GABRB1: variants seen among roughly 807,000 people sequenced by gnomAD.
The protein encoded by GABRB1 is gamma-aminobutyric acid type A receptor subunit beta1, also known as gamma-aminobutyric acid receptor subunit beta-1.
A neutral mutation model predicts 51.6 loss-of-function variants in GABRB1; 17 were observed. The observed-to-expected ratio is 0.33, with a 90% CI of 0.23 to 0.49. The LOEUF (loss-of-function observed/expected upper bound fraction) is 0.49. Among genes scored for constraint, GABRB1 ranks in the 20% least tolerant of loss-of-function variants. The pLI, the probability that GABRB1 is intolerant of heterozygous loss-of-function variation, is 0.99. For synonymous variants in GABRB1, 247 were observed against 218.9 expected (o/e 1.13, Z -1.14); for missense variants, 410 against 600.6 (o/e 0.68, Z 3.32).
intron 4 of GABRB1, among the ~76,000 whole-genome samples, chr4:47,313,797 T>A (rs1438950823): frequency 6.6e-6 from 1 of 152,042 alleles, no homozygotes; most frequent in Non-Finnish European, 1.5e-5. Flanking sequence ...CCTGTCTGAG[T>A]CTCAATAATT....
chr4:47,280,802 C>T (rs1723264083), intron 4 of GABRB1, among the ~76,000 whole-genome samples: 1 of 150,388 alleles, frequency 6.6e-6, no homozygotes, highest in Admixed American at 6.6e-5. Flanking sequence ...TGTGTGCCAC[C>T]ATGTCTGGCT....
At chr4:47,392,906 A>G (rs1303005577) in intron 5 of GABRB1, among the ~76,000 whole-genome samples, 2 of 152,272 alleles carry the variant, frequency 1.3e-5, no homozygotes, top group Admixed American at 1.3e-4. Context: ...TGCAGACAGC[A>G]GAAGTCCATC....
At chr4:47,208,795 G>C (rs1720240072) in intron 4 of GABRB1, among the ~76,000 whole-genome samples, 1 of 151,972 alleles carries the variant, frequency 6.6e-6, no homozygotes, top group Admixed American at 6.6e-5. Flanking sequence ...ATATTCTTAT[G>C]GTATTTTCAT....
intron 4 of GABRB1, among the ~76,000 whole-genome samples, chr4:47,236,211 A>G (rs574618486): frequency 4.1e-4 from 63 of 152,258 alleles, no homozygotes; most frequent in African/African-American, 1.5e-3. Flanking sequence ...GAAATCCGAA[A>G]GCTTTGTTAA....
chr4:47,061,938 G>A (rs930096799), intron 3 of GABRB1, among the ~76,000 whole-genome samples: 21 of 151,976 alleles, frequency 1.4e-4, no homozygotes, highest in African/African-American at 3.9e-4. Flanking sequence ...TCATTCCCAC[G>A]TTGAATTCTG....
intron 4 of GABRB1, among the ~76,000 whole-genome samples, chr4:47,301,685 AG>A (rs1413673518): frequency 6.6e-6 from 1 of 152,048 alleles, no homozygotes; most frequent in Non-Finnish European, 1.5e-5. Flanking sequence ...AGATTTATTA[AG>A]ATGCTACAGC....
chr4:47,283,023 C>T (rs900695170), intron 4 of GABRB1, among the ~76,000 whole-genome samples: 6 of 152,110 alleles, frequency 3.9e-5, no homozygotes, highest in African/African-American at 1.4e-4. Context: ...GTAGCTAGAA[C>T]AGGAGGTATG....
intron 5 of GABRB1, among the ~76,000 whole-genome samples, chr4:47,345,684 A>G (rs1350245952): frequency 6.6e-6 from 1 of 152,226 alleles, no homozygotes; most frequent in Non-Finnish European, 1.5e-5. Context: ...AAAATCCAAA[A>G]TGCTCTAAAA....
chr4:47,251,636 A>T (rs993317151), intron 4 of GABRB1, among the ~76,000 whole-genome samples: 7 of 151,906 alleles, frequency 4.6e-5, no homozygotes, highest in African/African-American at 1.5e-4. Flanking sequence ...GCTGCGGAGG[A>T]TGTGGGTGTC....
intron 5 of GABRB1, among the ~76,000 whole-genome samples, chr4:47,343,199 G>T (rs529566407): frequency 6.6e-6 from 1 of 152,146 alleles, no homozygotes; most frequent in Admixed American, 6.5e-5. Context: ...CCGAGACAGG[G>T]TTAGAGAATT....
chr4:47,195,394 TGATAGATAGATAGATAGATA>T (rs201594236), intron 4 of GABRB1, among the ~76,000 whole-genome samples: 27 of 92,232 alleles, frequency 2.9e-4, no homozygotes, highest in East Asian at 2.5e-3. Context: ...GATAGATAGA[TGATAGATAGATAGATAGATA>T]GATAGATAGA....
At chr4:47,164,190 C>A (rs552609448) in intron 4 of GABRB1, among the ~76,000 whole-genome samples, 2 of 152,146 alleles carry the variant, frequency 1.3e-5, no homozygotes. Context: ...ATTTGGATTA[C>A]AATTCAAGAT....
intron 3 of GABRB1, among the ~76,000 whole-genome samples, chr4:47,156,610 T>C (rs1430853273): frequency 6.6e-6 from 1 of 152,082 alleles, no homozygotes; most frequent in Non-Finnish European, 1.5e-5. Context: ...AGAGTGACTT[T>C]TGTTTAACAT....
chr4:47,125,555 A>ATTTTTTTTTTTTTTTTTTTTTTT (rs570181191), intron 3 of GABRB1, among the ~76,000 whole-genome samples: 2 of 21,022 alleles, frequency 9.5e-5, no homozygotes, highest in Non-Finnish European at 2.1e-4. Flanking sequence ...ACAAAGTATA[A>ATTTTTTTTTTTTTTTTTTTTTTT]TTTCTTTTTT....
chr4:47,284,219 G>T (rs1386384943), intron 4 of GABRB1, among the ~76,000 whole-genome samples: 1 of 151,902 alleles, frequency 6.6e-6, no homozygotes, highest in East Asian at 1.9e-4. Context: ...TTTGGCTGAG[G>T]TCTGCATGTT....
intron 8 of GABRB1, among the ~76,000 whole-genome samples, chr4:47,419,491 T>A (rs1729031287): frequency 6.6e-6 from 1 of 152,228 alleles, no homozygotes. Context: ...AGGGCACTGA[T>A]AACCTGCATT....
chr4:47,071,647 C>CTTTT (rs751213665), intron 3 of GABRB1, among the ~76,000 whole-genome samples: 2 of 139,854 alleles, frequency 1.4e-5, no homozygotes, highest in South Asian at 2.3e-4. Flanking sequence ...ATTTTTTTTT[C>CTTTT]TTTTTTTTTT....
chr4:47,305,970 T>G (rs1346370427), intron 4 of GABRB1, among the ~76,000 whole-genome samples: 2 of 152,126 alleles, frequency 1.3e-5, no homozygotes, highest in African/African-American at 2.4e-5. Context: ...ATAACAAAGT[T>G]TGAGAGAGGC....
intron 4 of GABRB1, among the ~76,000 whole-genome samples, chr4:47,255,924 A>G (rs1052037454): frequency 3.9e-5 from 6 of 152,236 alleles, no homozygotes; most frequent in African/African-American, 1.4e-4. Flanking sequence ...GAGATGGGCC[A>G]GAAAAGGAAG....
Sources: allele counts gnomAD v4.1 joint callset (sites outside exome capture counted in the v4.1 genomes callset), GRCh38; gene constraint gnomAD v4.1.1; transcripts MANE v1.5; gene names NCBI Gene and HGNC (gene_info 2026-07-23, HGNC 2026-07-21).